The following ASTN2 variants were observed in gnomAD, a reference collection of about 807,000 sequenced individuals.
The protein encoded by ASTN2 is astrotactin 2.
ASTN2 carries 54 observed loss-of-function variants against 139.8 expected under a neutral mutation model. The observed-to-expected ratio is 0.39, with a 90% CI of 0.31 to 0.48. The LOEUF (loss-of-function observed/expected upper bound fraction) is 0.48. Ranked by LOEUF, ASTN2 falls within the 20% of genes least tolerant of loss-of-function variation. The probability of loss-of-function intolerance (pLI) is 0.95; values close to 1 mark genes in which losing one functional copy is unlikely to be tolerated. For synonymous variants in ASTN2, 756 were observed against 719.5 expected (o/e 1.05, Z -0.81); for missense variants, 1,565 against 1,725.1 (o/e 0.91, Z 1.64).
At chr9:117,085,985 C>T (rs1033569287) in intron 5 of ASTN2, among the ~76,000 whole-genome samples, 1 of 152,176 alleles carries the variant, frequency 6.6e-6, no homozygotes, top group African/African-American at 2.4e-5. Context: ...GTTTCTTCAT[C>T]TGTAAAATGG....
intron 17 of ASTN2, among the ~76,000 whole-genome samples, chr9:116,640,279 A>G (rs1857265640): frequency 6.6e-6 from 1 of 152,184 alleles, no homozygotes; most frequent in Non-Finnish European, 1.5e-5. Context: ...TTTCTTCCTC[A>G]TAAACTCTGT....
intron 5 of ASTN2, among the ~76,000 whole-genome samples, chr9:117,052,686 A>G: frequency 6.6e-6 from 1 of 152,206 alleles, no homozygotes; most frequent in East Asian, 1.9e-4. Context: ...ACACATGCAG[A>G]GCACCTACTA....
intron 13 of ASTN2, among the ~76,000 whole-genome samples, chr9:116,765,011 T>C (rs1829769684): frequency 6.6e-6 from 1 of 152,228 alleles, no homozygotes; most frequent in African/African-American, 2.4e-5. Flanking sequence ...CATTTAATTC[T>C]GTGTCAATCC....
At chr9:117,379,891 T>C (rs117894970) in intron 1 of ASTN2, among the ~76,000 whole-genome samples, 1,859 of 152,282 alleles carry the variant, frequency 0.012, 23 homozygotes, top group Non-Finnish European at 0.02. Context: ...TAGATAGCTA[T>C]GGATATTTTC....
At chr9:116,900,918 G>A (rs1027072048) in intron 10 of ASTN2, among the ~76,000 whole-genome samples, 6 of 152,166 alleles carry the variant, frequency 3.9e-5, no homozygotes, top group Non-Finnish European at 5.9e-5. Flanking sequence ...GCTTGCCAGC[G>A]GGTAAAACGT....
At chr9:117,313,140 T>C (rs748407956) in intron 1 of ASTN2, among the ~76,000 whole-genome samples, 2 of 152,186 alleles carry the variant, frequency 1.3e-5, no homozygotes, top group Non-Finnish European at 2.9e-5. Context: ...AACACCAGGG[T>C]GGCAATCTCA....
chr9:116,762,845 G>A (rs778300542), intron 13 of ASTN2, among the ~76,000 whole-genome samples: 7 of 152,162 alleles, frequency 4.6e-5, no homozygotes, highest in Admixed American at 1.3e-4. Context: ...TACTATTGAG[G>A]CCTTTTCAGA....
chr9:116,448,461 T>C (rs1848074641), intron 20 of ASTN2, among the ~76,000 whole-genome samples: 1 of 152,200 alleles, frequency 6.6e-6, no homozygotes, highest in African/African-American at 2.4e-5. Context: ...AGGACCAAGC[T>C]CACTGCTGAG....
chr9:116,921,576 A>T (rs564940053), intron 10 of ASTN2, among the ~76,000 whole-genome samples: 6,427 of 135,064 alleles, frequency 0.048, 438 homozygotes, highest in African/African-American at 0.15. Context: ...CGACCGAGCG[A>T]GACTCCGTCT....
intron 19 of ASTN2, among the ~76,000 whole-genome samples, chr9:116,579,261 C>A (rs144746154): frequency 1.3e-5 from 2 of 152,142 alleles, no homozygotes; most frequent in Non-Finnish European, 2.9e-5. Context: ...CAGGAAGATA[C>A]GATCCAAACA....
chr9:116,664,219 G>C (rs1034354784), intron 16 of ASTN2, among the ~76,000 whole-genome samples: 1 of 151,858 alleles, frequency 6.6e-6, no homozygotes, highest in African/African-American at 2.4e-5. Flanking sequence ...TGGAAAAAAG[G>C]AAAGTGCAGA....
At chr9:116,828,081 G>A (rs1040553538) in intron 11 of ASTN2, among the ~76,000 whole-genome samples, 10 of 152,176 alleles carry the variant, frequency 6.6e-5, no homozygotes, top group African/African-American at 2.4e-4. Flanking sequence ...CAGATCACTA[G>A]GTCAGGAGTT....
At chr9:117,319,367 A>T (rs1316500332) in intron 1 of ASTN2, among the ~76,000 whole-genome samples, 1 of 152,188 alleles carries the variant, frequency 6.6e-6, no homozygotes, top group Non-Finnish European at 1.5e-5. Flanking sequence ...AAGTCATTTT[A>T]CTTGACTCAA....
At chr9:116,520,806 C>T (rs1008578526) in intron 19 of ASTN2, among the ~76,000 whole-genome samples, 8 of 152,208 alleles carry the variant, frequency 5.3e-5, no homozygotes, top group Admixed American at 5.2e-4. Context: ...AGCAAAGCTT[C>T]AGGATAGAAA....
chr9:116,659,591 T>C (rs1858433229), intron 16 of ASTN2, among the ~76,000 whole-genome samples: 1 of 152,178 alleles, frequency 6.6e-6, no homozygotes, highest in East Asian at 1.9e-4. Flanking sequence ...ATTTCCTCTC[T>C]GAAAAACTTT....
At chr9:116,689,236 C>G (rs1330258290) in intron 16 of ASTN2, among the ~76,000 whole-genome samples, 1 of 152,150 alleles carries the variant, frequency 6.6e-6, no homozygotes, top group Non-Finnish European at 1.5e-5. Flanking sequence ...AGTCCTAGCT[C>G]TATCTCTTCC....
At chr9:116,900,793 G>T (rs1025932510) in intron 10 of ASTN2, among the ~76,000 whole-genome samples, 1 of 152,006 alleles carries the variant, frequency 6.6e-6, no homozygotes, top group Non-Finnish European at 1.5e-5. Context: ...ACCTTCGTTT[G>T]GTTCTCAGGC....
chr9:116,863,345 G>A (rs1832940010), intron 11 of ASTN2, among the ~76,000 whole-genome samples: 1 of 152,184 alleles, frequency 6.6e-6, no homozygotes, highest in African/African-American at 2.4e-5. Flanking sequence ...ATTGTGTGGT[G>A]GGCACTTAAG....
chr9:116,437,991 G>A (rs961106634), intron 22 of ASTN2, among the ~76,000 whole-genome samples: 1 of 152,146 alleles, frequency 6.6e-6, no homozygotes, highest in Non-Finnish European at 1.5e-5. Context: ...TGGCCTCCAT[G>A]TCAAACTCTG....
Sources: gnomAD v4.1 joint callset for allele counts (sites outside exome capture counted in the v4.1 genomes callset) on GRCh38, gnomAD v4.1.1 for gene constraint, MANE v1.5 for transcripts, NCBI Gene and HGNC (gene_info 2026-07-23, HGNC 2026-07-21) for gene names.